ARHGAP4: variants seen among roughly 807,000 people sequenced by gnomAD.
ARHGAP4 encodes rho GTPase-activating protein 4.
Under a neutral mutation model 67.6 loss-of-function variants are expected in ARHGAP4, and 25 were observed. The ratio of observed to expected loss-of-function variants is 0.37; its 90% CI spans 0.27 to 0.52. The LOEUF (loss-of-function observed/expected upper bound fraction) is 0.52. Ranked by LOEUF, ARHGAP4 falls within the 20% of genes least tolerant of loss-of-function variation. The probability of loss-of-function intolerance (pLI) is 0.92; values close to 1 mark genes in which losing one functional copy is unlikely to be tolerated. For synonymous variants in ARHGAP4, 448 were observed against 373.7 expected (o/e 1.20, Z -2.29); for missense variants, 804 against 854.6 (o/e 0.94, Z 0.74).
rs2065075837 is a variant in ARHGAP4 at position 153,919,283 on chromosome X, G to A, written c.682C>T (p.Arg228Trp). The A allele has an allele frequency of 1.6e-6, 2 of 1,212,232 alleles. No homozygotes were observed. The highest frequency in any genetic ancestry group is 2.2e-6 in the Non-Finnish European group (2 of 895,637). ...TTGTGCTCCATGAACTTGGCCTGCC[G>A]CTACTCAAGACAATGCAAGCGTGCC... ...LKKGGRLVEK[R>W]QAKFMEHKLK... is the part of the protein sequence containing the mutation. Residue 228 changes from arginine to tryptophan, a missense_variant and splice_region_variant, in exon 6 of 22, where the codon CGG becomes TGG. Physicochemically the swap from Arg to Trp is moderately radical, Grantham distance 101. This residue lies in a region of ARHGAP4 where 404 missense variants were observed against 505.9 expected (regional missense o/e 0.80). Coordinates refer to ENST00000350060, the MANE Select transcript of ARHGAP4 (RefSeq NM_001666.5).
At chrX:153,912,918 G>A (rs1161548560) in intron 11 of ARHGAP4, 106 bp downstream of exon 11, 29 of 1,118,779 alleles carry the variant, frequency 2.6e-5, no homozygotes, top group Non-Finnish European at 3.1e-5. Flanking sequence ...AATCCAGTGC[G>A]AAAACTGGGG....
At position 153,910,096 on chromosome X, in the gene ARHGAP4, G is replaced by C; in HGVS notation, c.2157-11C>G. 2 of 1,211,245 alleles carry C rather than the reference G, an allele frequency of 1.7e-6. No homozygotes were observed. Among genetic ancestry groups the C allele is most frequent in the Non-Finnish European group, 2.2e-6 (2 of 895,368 alleles). On this transcript the variant is annotated splice_polypyrimidine_tract_variant and intron_variant, in intron 17 of 21. Coordinates refer to ENST00000350060, the MANE Select transcript of ARHGAP4 (RefSeq NM_001666.5). ...TCCAGCTGGGCGTCCCTGAGGTTCA[G>C]GGCAGAGCGAGGCAGATGAGGGGGG...
At position 153,910,028 on chromosome X, in the gene ARHGAP4, C is replaced by T. The variant is rs1022781177; in HGVS notation, c.2214G>A (p.Met738Ile). Reference protein sequence around the residue: ...ADNEPELEAEMPAQEDDLEGV... With the variant: ...ADNEPELEAEIPAQEDDLEGV... ...CGCCCTCACCATCCTCCTGTGCGGG[C>T]ATCTCGGCTTCCAGCTCCGGCTCAT... is the stretch of plus-strand genomic sequence containing the variant. Residue 738 changes from methionine to isoleucine, a missense_variant, in exon 18 of 22, where the codon ATG becomes ATA. Physicochemically the swap from Met to Ile is conservative, Grantham distance 10 (BLOSUM62 1). Coordinates refer to ENST00000350060, the MANE Select transcript of ARHGAP4 (RefSeq NM_001666.5). 1 of 1,211,462 alleles carries T rather than the reference C, an allele frequency of 8.3e-7. No homozygotes were observed. The highest frequency in any genetic ancestry group is 2.2e-5 in the Admixed American group (1 of 46,124).
chrX:153,925,375 CG>C (rs1463016599), intron 1 of ARHGAP4, among the ~76,000 whole-genome samples: 8 of 112,043 alleles, frequency 7.1e-5, no homozygotes, highest in Non-Finnish European at 7.5e-5. Context: ...AGCTTGTTTC[CG>C]TAATTGGTAA....
rs782801752 is a variant in ARHGAP4, at chrX:153,921,650, C to A, written c.227G>T (p.Ser76Ile). The change falls in exon 2 of 22, where the codon AGC (serine) becomes ATC (isoleucine). Residue 76 changes from serine (S) to isoleucine (I), a missense_variant. Transcript: ENST00000350060. Reference sequence around the variant, plus strand: ...GCTGCTCCCCAGGCGGCCTCCACGGCTGGAGAAGCGCTCGGCCAGCTTTTC... The same window carrying A: ...GCTGCTCCCCAGGCGGCCTCCACGGATGGAGAAGCGCTCGGCCAGCTTTTC... ...GLEKLAERFS[S>I]RGGRLGSSRE... 4.1e-5 allele frequency: 49 copies of A among 1,208,827 alleles called. No individual in the cohort carries two copies. Among genetic ancestry groups the A allele is most frequent in the East Asian group, 3.9e-4 (13 of 33,743 alleles).
chrX:153,908,871 C>T (rs894541855), intron 21 of ARHGAP4, among the ~76,000 whole-genome samples, 199 bp downstream of exon 21: 8 of 112,213 alleles, frequency 7.1e-5, no homozygotes, highest in Non-Finnish European at 1.5e-4. Context: ...CCCTCTCCAT[C>T]CCCACCCGCC....
chrX:153,914,841 A>G (rs2065044524), intron 7 of ARHGAP4, among the ~76,000 whole-genome samples: 1 of 112,445 alleles, frequency 8.9e-6, no homozygotes, highest in Non-Finnish European at 1.9e-5. Context: ...TCCCTGTGGC[A>G]AGATGAGAGC....
Position 153,911,260 on chromosome X carries a change from T to C in ARHGAP4, c.1543-71A>G. On this transcript the variant is annotated intron_variant, in intron 12 of 21. Coordinates refer to ENST00000350060, the MANE Select transcript of ARHGAP4 (RefSeq NM_001666.5). ...GTGTTGTCATTCAATTGCTTTTTTT[T>C]TTTTTTTTTTTTTTTGAGACAAGGT... 4 of 913,075 alleles carry C rather than the reference T, an allele frequency of 4.4e-6. No individual in the cohort carries two copies. The Admixed American group carries it at 1.2e-4, about 28-fold the overall frequency. The allele number at this position is 913,075 out of a possible 1,213,427, so 75.2% of individuals were successfully genotyped here.
chrX:153,922,369 G>A (rs1244842191), intron 1 of ARHGAP4: 1 of 755,260 alleles, frequency 1.3e-6, no homozygotes, highest in Admixed American at 8.5e-5. Context: ...TGAGGGCTGG[G>A]AGCCAGGGAG....
In ARHGAP4 at chrX:153,926,214, G is replaced by C. The variant is rs782778153; in HGVS notation, c.-12C>G. On this transcript the variant is annotated 5_prime_UTR_variant, in exon 1 of 22. Transcript: ENST00000350060. ...CCGTGAGCGGCCATGGCGGCCTCGC[G>C]GCCGCGCCGTCGAACCCCACTGCTC... The C allele has an allele frequency of 5.9e-6, 7 of 1,186,172 alleles. No individual in the cohort carries two copies. Among genetic ancestry groups the C allele is most frequent in the Non-Finnish European group, 7.9e-6 (7 of 882,771 alleles).
rs781985861 is a variant in ARHGAP4 at position 153,913,514 on chromosome X, G to C, written c.1221C>G (p.Thr407=). 1 of 1,211,980 alleles carries C rather than the reference G, an allele frequency of 8.3e-7. No individual in the cohort carries two copies. Among genetic ancestry groups the C allele is most frequent in the South Asian group, 1.8e-5 (1 of 57,042 alleles). The part of the protein sequence containing the change: ...DDGDVLDSFQ[T]SPSTESLKST... ...ACTTGAGGGACTCGGTGGAGGGGCT[G>C]GTCTGGAAGGAATCAAGCACATCCC... Residue 407 remains threonine, a synonymous_variant, in exon 9 of 22, where the codon ACC becomes ACG. Coordinates refer to ENST00000350060, the MANE Select transcript of ARHGAP4 (RefSeq NM_001666.5).
At chrX:153,924,880 C>T (rs1366470828) in intron 1 of ARHGAP4, among the ~76,000 whole-genome samples, 1 of 112,095 alleles carries the variant, frequency 8.9e-6, no homozygotes, top group Non-Finnish European at 1.9e-5. Flanking sequence ...AAAACCACCG[C>T]TATGCTGACC....
At chrX:153,914,863 T>C (rs942717952) in intron 7 of ARHGAP4, among the ~76,000 whole-genome samples, 11 of 111,748 alleles carry the variant, frequency 9.8e-5, no homozygotes, top group Non-Finnish European at 2.1e-4. Context: ...GCTTGCCTCA[T>C]GGGCAGAGTG....
At position 153,907,595 on chromosome X, in the gene ARHGAP4, C is replaced by A; in HGVS notation, c.*134G>T. The A allele has an allele frequency of 2.7e-6, 1 of 371,524 alleles. No individual in the cohort carries two copies. Among genetic ancestry groups the A allele is most frequent in the Non-Finnish European group, 4.5e-6 (1 of 219,820 alleles). 30.6% of individuals were successfully genotyped at this position (371,524 alleles called of 1,213,427 possible). On this transcript the variant is annotated 3_prime_UTR_variant, in exon 22 of 22. Transcript: ENST00000350060. ...GGCATCCCTGTGTGCACGGCCCCATCCCACCTCTCTGCACAGGGTGAAGTG... is the reference window on the plus strand; with the variant it reads ...GGCATCCCTGTGTGCACGGCCCCATACCACCTCTCTGCACAGGGTGAAGTG...
Position 153,909,730 on chromosome X carries a change from G to A in ARHGAP4, c.2414+11C>T, listed in dbSNP as rs782257335. On this transcript the variant is annotated intron_variant, in intron 19 of 21. Transcript: ENST00000350060. ...CGGGAGCCCTGGGGCCTGAGGGCGC[G>A]GCTCACTCACCCGGCGGGCAGCGTG... 25 of 1,179,834 alleles carry A rather than the reference G, an allele frequency of 2.1e-5. No individual in the cohort carries two copies. The Admixed American group carries it at 2.6e-4, about 12-fold the overall frequency.
At chrX:153,917,725 G>A (rs1389956203) in intron 7 of ARHGAP4, among the ~76,000 whole-genome samples, 4 of 112,382 alleles carry the variant, frequency 3.6e-5, no homozygotes, top group African/African-American at 9.7e-5. Context: ...CACTCCAGCC[G>A]AGGGGACAGA....
chrX:153,922,383 T>G (rs1380071220), intron 1 of ARHGAP4: 1 of 754,656 alleles, frequency 1.3e-6, no homozygotes, highest in Non-Finnish European at 1.6e-6. Flanking sequence ...CAGGGAGAGC[T>G]GATCCGGCCT....
intron 5 of ARHGAP4, chrX:153,919,538 G>C (rs782766743): frequency 7.0e-6 from 8 of 1,142,678 alleles, no homozygotes; most frequent in Non-Finnish European, 1.2e-6. Flanking sequence ...CACAGAAGTG[G>C]GGGATGACAC....
At chrX:153,912,285 G>C (rs1173825333) in intron 12 of ARHGAP4, among the ~76,000 whole-genome samples, 1 of 109,810 alleles carries the variant, frequency 9.1e-6, no homozygotes, top group Non-Finnish European at 1.9e-5. Flanking sequence ...GCCTCCCAAA[G>C]AGCTGGGATT....
Sources: allele counts gnomAD v4.1 joint callset (sites outside exome capture counted in the v4.1 genomes callset), GRCh38; gene constraint gnomAD v4.1.1; regional missense constraint gnomAD v4.1.1; transcripts MANE v1.5; gene names NCBI Gene and HGNC (gene_info 2026-07-23, HGNC 2026-07-21).